CDC42BPA: variants seen among roughly 807,000 people sequenced by gnomAD.
CDC42BPA encodes CDC42 binding protein kinase alpha.
A neutral mutation model predicts 223.5 loss-of-function variants in CDC42BPA; 80 were observed. The ratio of observed to expected loss-of-function variants is 0.36; its 90% confidence interval spans 0.30 to 0.43. CDC42BPA has a LOEUF of 0.43. Among genes scored for constraint, CDC42BPA ranks in the 20% least tolerant of loss-of-function variants. The pLI, the probability that CDC42BPA is intolerant of heterozygous loss-of-function variation, is 1.00. For synonymous variants in CDC42BPA, 694 were observed against 718.6 expected (o/e 0.97, Z 0.55); for missense variants, 1,743 against 2,099.9 (o/e 0.83, Z 3.32).
In CDC42BPA at chr1:227,091,829, A is replaced by G. The variant is rs1042183232; in HGVS notation, c.2355+57T>C. The G allele has an allele frequency of 4.6e-6, 4 of 868,386 alleles. No homozygotes were observed. The African/African-American group carries it at 5.1e-5, about 11-fold the overall frequency. 53.8% of individuals were successfully genotyped at this position (868,386 alleles called of 1,614,324 possible). A position where few individuals can be genotyped will look rare whatever the true frequency, so the allele number is the denominator to read the frequency against. On this transcript the variant is annotated intron_variant, in intron 16 of 36. Coordinates refer to ENST00000366766, the MANE Select transcript of CDC42BPA (RefSeq NM_001394014.1). ...ATATAAAGTTATACCCACAATTCCT[A>G]TCAGTGTTGAACATCTAGCATGTAC...
At chr1:227,075,928 TTAAG>T (rs1266834407) in intron 17 of CDC42BPA, among the ~76,000 whole-genome samples, 1 of 152,216 alleles carries the variant, frequency 6.6e-6, no homozygotes, top group Non-Finnish European at 1.5e-5. Flanking sequence ...TAAACTGACT[TTAAG>T]TTATTTGGAA....
chr1:227,062,922 A>G (rs1302115192), intron 21 of CDC42BPA, among the ~76,000 whole-genome samples: 1 of 152,134 alleles, frequency 6.6e-6, no homozygotes, highest in Non-Finnish European at 1.5e-5. Context: ...ATATCTCAAA[A>G]TAAATATATT....
chr1:227,212,489 C>A (rs549464888), intron 3 of CDC42BPA, among the ~76,000 whole-genome samples: 7 of 152,106 alleles, frequency 4.6e-5, no homozygotes, highest in Admixed American at 4.6e-4. Context: ...GAATGCCTAT[C>A]CCATTCAACC....
At chr1:227,205,361 G>A (rs772290341) in intron 3 of CDC42BPA, among the ~76,000 whole-genome samples, 30 of 149,936 alleles carry the variant, frequency 2.0e-4, no homozygotes, top group Non-Finnish European at 3.8e-4. Flanking sequence ...CAAAGAATGA[G>A]ATATTATAAA....
At chr1:227,160,504 G>T in intron 6 of CDC42BPA, 39 bp downstream of exon 6, 2 of 1,213,370 alleles carry the variant, frequency 1.6e-6, no homozygotes, top group Non-Finnish European at 2.5e-6. Flanking sequence ...CAAGGGAAAT[G>T]TCTGTGAACA....
chr1:227,297,954 GTA>G, intron 1 of CDC42BPA, among the ~76,000 whole-genome samples: 2 of 127,106 alleles, frequency 1.6e-5, no homozygotes, highest in South Asian at 4.7e-4. Context: ...GTGTGTGTGT[GTA>G]TATATACATA....
chr1:227,216,447 A>G (rs1674868986), intron 2 of CDC42BPA, among the ~76,000 whole-genome samples: 1 of 152,200 alleles, frequency 6.6e-6, no homozygotes, highest in South Asian at 2.1e-4. Context: ...CAGTTTCATG[A>G]GCTACCTAAA....
intron 1 of CDC42BPA, among the ~76,000 whole-genome samples, chr1:227,276,879 T>G (rs910627840): frequency 1.3e-5 from 2 of 151,994 alleles, no homozygotes; most frequent in Non-Finnish European, 2.9e-5. Flanking sequence ...GAAGGCAGCA[T>G]GCTCGTTAAG....
intron 1 of CDC42BPA, among the ~76,000 whole-genome samples, chr1:227,293,581 T>C (rs1190709235): frequency 6.7e-6 from 1 of 149,830 alleles, no homozygotes; most frequent in African/African-American, 2.5e-5. Context: ...TCCCAGCACT[T>C]TGGGGAGGCC....
intron 3 of CDC42BPA, among the ~76,000 whole-genome samples, chr1:227,209,036 CA>C (rs1253603208): frequency 1.3e-5 from 2 of 150,984 alleles, no homozygotes; most frequent in Non-Finnish European, 2.9e-5. Flanking sequence ...TTTCCTTGAG[CA>C]GTGGTTTGTA....
intron 1 of CDC42BPA, among the ~76,000 whole-genome samples, chr1:227,310,711 G>GA (rs1180001411): frequency 6.7e-6 from 1 of 149,164 alleles, no homozygotes; most frequent in Non-Finnish European, 1.5e-5. Flanking sequence ...TTTTGAGACA[G>GA]AGTCTTGCTC....
At chr1:227,265,228 C>T (rs1399829194) in intron 1 of CDC42BPA, 1 of 570,196 alleles carries the variant, frequency 1.8e-6, no homozygotes, top group Non-Finnish European at 3.2e-6. Flanking sequence ...CATCTAACAA[C>T]CCTGAGGTGT....
intron 21 of CDC42BPA, among the ~76,000 whole-genome samples, chr1:227,053,115 T>C (rs1673872612): frequency 2.0e-5 from 3 of 152,198 alleles, no homozygotes; most frequent in African/African-American, 7.2e-5. Context: ...AGGGCACAAA[T>C]TGTTTTCTCA....
At chr1:227,163,586 G>A (rs7540463) in intron 5 of CDC42BPA, among the ~76,000 whole-genome samples, 103,652 of 151,680 alleles carry the variant, frequency 0.68, 35,602 homozygotes, top group South Asian at 0.73. Flanking sequence ...ATCCCTTGCC[G>A]TTGTAAAAAT....
At chr1:227,065,333 T>C (rs898182050) in intron 21 of CDC42BPA, among the ~76,000 whole-genome samples, 1 of 152,142 alleles carries the variant, frequency 6.6e-6, no homozygotes, top group Non-Finnish European at 1.5e-5. Flanking sequence ...TTCAAAACTC[T>C]ATGATTCTAC....
chr1:227,147,409 A>G lies in CDC42BPA; in HGVS notation c.844T>C (p.Phe282Leu), dbSNP rs1558611696. ...GTCTCCACCAGCGATTCTGCATAAA[A>G]TGGTGTTTCTCCGTAAAGCATTTCA... ...MYEMLYGETPFYAESLVETYG... is the reference protein window; with the variant it reads ...MYEMLYGETPLYAESLVETYG... The change falls in exon 7 of 37, where the codon TTT becomes CTT. Residue 282 changes from phenylalanine (F) to leucine (L), a missense_variant. Physicochemically the swap from Phe to Leu is conservative, Grantham distance 22. This residue lies in a region of CDC42BPA where 321 missense variants were observed against 488.7 expected (regional missense o/e 0.66). Transcript: ENST00000366766. The G allele has an allele frequency of 1.9e-6, 3 of 1,613,284 alleles. No homozygotes were observed. The highest frequency in any genetic ancestry group is 2.5e-6 in the Non-Finnish European group (3 of 1,179,620).
At chr1:227,213,332 A>T (rs1674263405) in intron 2 of CDC42BPA, 113 bp from the exon 3 acceptor site, 1 of 559,316 alleles carries the variant, frequency 1.8e-6, no homozygotes, top group East Asian at 3.1e-5. Context: ...AATTATGTCA[A>T]TGCAGTTCAA....
chr1:227,113,282 G>A (rs1361950866), intron 12 of CDC42BPA, among the ~76,000 whole-genome samples: 2 of 152,226 alleles, frequency 1.3e-5, no homozygotes, highest in Non-Finnish European at 2.9e-5. Flanking sequence ...TGGAGGCTAC[G>A]CCTCAAGCCA....
intron 15 of CDC42BPA, among the ~76,000 whole-genome samples, chr1:227,098,093 A>C (rs1684349505): frequency 6.6e-6 from 1 of 151,882 alleles, no homozygotes; most frequent in South Asian, 2.1e-4. Flanking sequence ...TATTCTGAGG[A>C]GGCAAGAATT....
Sources: gnomAD v4.1 joint callset for allele counts (sites outside exome capture counted in the v4.1 genomes callset) on GRCh38, gnomAD v4.1.1 for gene constraint, gnomAD v4.1.1 regional missense constraint, MANE v1.5 for transcripts, NCBI Gene and HGNC (gene_info 2026-07-23, HGNC 2026-07-21) for gene names.